Variants in AKAP4 observed in about 807,000 individuals in gnomAD.
The protein encoded by AKAP4 is A-kinase anchor protein 4.
AKAP4 carries 4 observed loss-of-function variants against 42.6 expected under a neutral mutation model. The ratio of observed to expected loss-of-function variants is 0.09; its 90% CI spans 0.05 to 0.22. The LOEUF (loss-of-function observed/expected upper bound fraction) is 0.22, where lower values mean the gene tolerates loss of function less well. Among genes scored for constraint, AKAP4 ranks in the 10% least tolerant of loss-of-function variants. AKAP4 has a pLI of 1.00. For synonymous variants in AKAP4, 223 were observed against 233.0 expected, an observed-to-expected ratio of 0.96 and a Z score of 0.39; for missense variants, 551 against 630.7, an observed-to-expected ratio of 0.87 and a Z score of 1.35.
rs1047259655 is a variant in AKAP4 at position 50,192,582 on chromosome X, T to C, written c.2131A>G (p.Met711Val). 23 of 1,210,015 alleles carry C rather than the reference T, an allele frequency of 1.9e-5. 1 individual carries two copies. The African/African-American group carries it at 3.8e-4, about 20-fold the overall frequency. The change falls in exon 5 of 6, where the codon ATG (methionine) becomes GTG (valine). Residue 711 changes from methionine to valine, a missense_variant. Met to Val is a conservative substitution (Grantham distance 21). Transcript: ENST00000358526. The part of the protein sequence containing the change: ...VESVMKLCLI[M>V]AKYSNDGAAL... ...GCCCCATCGTTGCTATACTTAGCCA[T>C]GATAAGGCAGAGCTTCATCACAGAT...
chrX:50,194,507 A>ATT (rs1935165020), intron 4 of AKAP4, 71 bp from the exon 5 acceptor site: 1 of 877,206 alleles, frequency 1.1e-6, no homozygotes, highest in African/African-American at 2.0e-5. Flanking sequence ...TATTTAGAAG[A>ATT]TGTATCAGAT....
rs782039090 is a variant in AKAP4 at position 50,193,747 on chromosome X, G to A, written c.966C>T (p.Ser322=). 18 of 1,207,968 alleles carry A rather than the reference G, an allele frequency of 1.5e-5. No homozygotes were observed. The Admixed American group carries it at 2.9e-4, about 19-fold the overall frequency. The part of the protein sequence containing the change: ...SGDKQMSQRE[S]KEFADSISKG... ...TGCTGATGGAATCTGCAAATTCTTT[G>A]CTCTCTCTCTGGGACATCTGTTTGT... is the stretch of plus-strand genomic sequence containing the variant. The change falls in exon 5 of 6, where the codon AGC becomes AGT. Residue 322 remains serine, a synonymous_variant. Coordinates refer to ENST00000358526, the MANE Select transcript of AKAP4 (RefSeq NM_003886.3).
At chrX:50,198,127 A>ACCTG (rs1293269282) in intron 2 of AKAP4, among the ~76,000 whole-genome samples, 1 of 111,772 alleles carries the variant, frequency 8.9e-6, no homozygotes, top group Non-Finnish European at 1.9e-5. Context: ...AGAACATCAA[A>ACCTG]CCTGGGATAT....
At chrX:50,191,790 A>G (rs1276634114) in intron 5 of AKAP4, among the ~76,000 whole-genome samples, 3 of 110,412 alleles carry the variant, frequency 2.7e-5, no homozygotes, top group Non-Finnish European at 5.7e-5. Flanking sequence ...CACCTAGGGC[A>G]TAAAATTTAA....
In AKAP4 at chrX:50,198,649, T is replaced by A. The variant is rs781962652; in HGVS notation, c.123+8A>T. ...CTACTCCTCGGCATGAGTCATTTTT[T>A]ATCTTACCACTTTCCGGTCCTGATC... On this transcript the variant is annotated splice_region_variant and intron_variant, in intron 2 of 5. Coordinates refer to ENST00000358526, the MANE Select transcript of AKAP4 (RefSeq NM_003886.3). The A allele has an allele frequency of 8.3e-7, 1 of 1,199,539 alleles. No individual in the cohort carries two copies. Among genetic ancestry groups the A allele is most frequent in the Admixed American group, 2.2e-5 (1 of 45,641 alleles).
chrX:50,199,164 G>A (rs1305314031), intron 1 of AKAP4, among the ~76,000 whole-genome samples: 1 of 110,455 alleles, frequency 9.1e-6, no homozygotes, highest in African/African-American at 3.3e-5. Flanking sequence ...TCCAGCTCAC[G>A]TTACCCCCTC....
rs1304709013 is a variant in AKAP4, at chrX:50,200,935, T to C, written c.-46A>G. ...TTTCTTGTTGATTTGGATGCTGTGA[T>C]GACTCTTCCAGTCTGCCTCAAGATA... is the stretch of plus-strand genomic sequence containing the variant. On this transcript the variant is annotated 5_prime_UTR_variant, in exon 1 of 6. Transcript: ENST00000358526. 5.1e-6 allele frequency: 6 copies of C among 1,166,568 alleles called. No homozygotes were observed. The highest frequency in any genetic ancestry group is 1.8e-5 in the South Asian group (1 of 55,147).
intron 1 of AKAP4, 80 bp from the exon 2 acceptor site, chrX:50,198,832 G>C: frequency 1.3e-6 from 1 of 752,595 alleles, no homozygotes; most frequent in Non-Finnish European, 2.0e-6. Flanking sequence ...AGAATCTCTG[G>C]AGGGGTTCTG....
At position 50,194,044 on chromosome X, in the gene AKAP4, T is replaced by C. The variant is rs1935156672; in HGVS notation, c.669A>G (p.Arg223=). The C allele has an allele frequency of 1.7e-6, 2 of 1,209,846 alleles. No individual in the cohort carries two copies. Among genetic ancestry groups the C allele is most frequent in the African/African-American group, 3.5e-5 (2 of 57,160 alleles). ...SIDDLSFYVN[R]LSSLVIQMAH... is the part of the protein sequence containing the mutation. ...CCATCTGGATTACCAGAGAAGATAGTCGGTTGACGTAGAAGGAAAGGTCAT... is the reference window on the plus strand; with the variant it reads ...CCATCTGGATTACCAGAGAAGATAGCCGGTTGACGTAGAAGGAAAGGTCAT... Residue 223 remains arginine, a synonymous_variant, in exon 5 of 6, where the codon CGA becomes CGG. Transcript: ENST00000358526.
At chrX:50,199,645 G>A (rs1455622357) in intron 1 of AKAP4, among the ~76,000 whole-genome samples, 1 of 110,274 alleles carries the variant, frequency 9.1e-6, no homozygotes, top group African/African-American at 3.3e-5. Flanking sequence ...ACTTGTTTTT[G>A]GTATCTGGGG....
At position 50,194,277 on chromosome X, in the gene AKAP4, C is replaced by T. The variant is rs1557204135; in HGVS notation, c.436G>A (p.Glu146Lys). ...TTCTCAGAGGATGCTCTGTGATATT[C>T]GCCCTCTGTGTCTCCTACTTTATGT... ...CKHKVGDTEG[E>K]YHRASSENCY... is the part of the protein sequence containing the mutation. Residue 146 changes from glutamate (E) to lysine (K), a missense_variant, in exon 5 of 6, where the codon GAA becomes AAA. Glu to Lys is a moderately conservative substitution (Grantham distance 56). Transcript: ENST00000358526. 2.5e-6 allele frequency: 3 copies of T among 1,209,755 alleles called. No homozygotes were observed. The highest frequency in any genetic ancestry group is 3.4e-6 in the Non-Finnish European group (3 of 894,916).
chrX:50,200,470 G>A, intron 1 of AKAP4: 1 of 630,888 alleles, frequency 1.6e-6, no homozygotes, highest in Non-Finnish European at 1.9e-6. Flanking sequence ...AAGCAAAGGT[G>A]GGCATGTTGG....
rs1293235251 is a variant in AKAP4 at position 50,194,022 on chromosome X, T to A, written c.691A>T (p.Met231Leu). 2.5e-6 allele frequency: 3 copies of A among 1,209,858 alleles called. No homozygotes were observed. Among genetic ancestry groups the A allele is most frequent in the African/African-American group, 1.7e-5 (1 of 57,170 alleles). The change falls in exon 5 of 6, where the codon ATG (methionine) becomes TTG (leucine). Residue 231 changes from methionine (M) to leucine (L), a missense_variant. Transcript: ENST00000358526. ...TTCTCCTTGATTTCCTTATGGGCCATCTGGATTACCAGAGAAGATAGTCGG... is the reference window on the plus strand; with the variant it reads ...TTCTCCTTGATTTCCTTATGGGCCAACTGGATTACCAGAGAAGATAGTCGG... ...VNRLSSLVIQ[M>L]AHKEIKEKLE...
At chrX:50,195,838 T>A (rs1295365266) in intron 4 of AKAP4, among the ~76,000 whole-genome samples, 1 of 111,269 alleles carries the variant, frequency 9.0e-6, no homozygotes, top group Non-Finnish European at 1.9e-5. Flanking sequence ...CCTGTGACTG[T>A]GTATGCCCAT....
intron 5 of AKAP4, among the ~76,000 whole-genome samples, chrX:50,191,670 A>AGAGAGAGAG (rs1935113984): frequency 4.4e-5 from 4 of 90,009 alleles, no homozygotes; most frequent in African/African-American, 1.7e-4. Flanking sequence ...GAGAGAGAGA[A>AGAGAGAGAG]AGAGAGAGAG....
At chrX:50,191,619 G>GGTGTGTGT (rs34737063) in intron 5 of AKAP4, among the ~76,000 whole-genome samples, 1,069 of 85,735 alleles carry the variant, frequency 0.012, 19 homozygotes, top group African/African-American at 0.046. Flanking sequence ...CTGTCAGATA[G>GGTGTGTGT]GTGTGTGTGT....
Position 50,191,196 on chromosome X carries a change from C to T in AKAP4, c.2410-81G>A, listed in dbSNP as rs1935104453. 2.8e-6 allele frequency: 3 copies of T among 1,067,835 alleles called. No individual in the cohort carries two copies. In the South Asian group the frequency reaches 6.3e-5, roughly 23 times the overall value. The allele number at this position is 1,067,835 out of a possible 1,213,427, so 88.0% of individuals were successfully genotyped here. A position where few individuals can be genotyped will look rare whatever the true frequency, so the allele number is the denominator to read the frequency against. The stretch of plus-strand genomic sequence containing the variant: ...TGCTGGACGAAGTTCTACCACCCAA[C>T]CCCCTCAACCCCTAACCTCCTCACC... On this transcript the variant is annotated intron_variant, in intron 5 of 5. Coordinates refer to ENST00000358526, the MANE Select transcript of AKAP4 (RefSeq NM_003886.3).
Position 50,190,966 on chromosome X carries a change from G to A in AKAP4, c.2559C>T (p.Asn853=), listed in dbSNP as rs1557203510. 4 of 1,210,254 alleles carry A rather than the reference G, an allele frequency of 3.3e-6. No individual in the cohort carries two copies. The highest frequency in any genetic ancestry group is 4.5e-6 in the Non-Finnish European group (4 of 895,048). ...RKQLLDWLLA[N]L ...AGAGGAGTCAAGGATCAGCTCACAGGTTAGCGAGCAGCCAGTCCAGCAACT... is the reference window on the plus strand; with the variant it reads ...AGAGGAGTCAAGGATCAGCTCACAGATTAGCGAGCAGCCAGTCCAGCAACT... The change falls in exon 6 of 6, where the codon AAC becomes AAT. Residue 853 remains asparagine (N), a synonymous_variant. Coordinates refer to ENST00000358526, the MANE Select transcript of AKAP4 (RefSeq NM_003886.3).
intron 3 of AKAP4, among the ~76,000 whole-genome samples, 185 bp downstream of exon 3, chrX:50,197,358 CT>C (rs1935204061): frequency 9.0e-6 from 1 of 110,960 alleles, no homozygotes; most frequent in South Asian, 3.9e-4. Flanking sequence ...TAAAATGAGA[CT>C]TGATATCAAG....
Sources: allele counts gnomAD v4.1 joint callset (sites outside exome capture counted in the v4.1 genomes callset), GRCh38; gene constraint gnomAD v4.1.1; transcripts MANE v1.5; gene names NCBI Gene and HGNC (gene_info 2026-07-23, HGNC 2026-07-21).